C8orf74: variants seen among roughly 807,000 people sequenced by gnomAD.
C8orf74 encodes chromosome 8 open reading frame 74.
A neutral mutation model predicts 22.2 loss-of-function variants in C8orf74; 29 were observed. The ratio of observed to expected loss-of-function variants is 1.31; its 90% CI spans 0.97 to 1.78. The LOEUF (loss-of-function observed/expected upper bound fraction) is 1.78, where lower values mean the gene tolerates loss of function less well. C8orf74 is among the 40% of genes most tolerant of loss of function. C8orf74 has a pLI of 0.00. For missense variants in C8orf74, 515 were observed against 369.9 expected (o/e 1.39, Z -3.22); for synonymous variants, 255 against 163.1 (o/e 1.56, Z -4.30).
At chr8:10,689,413 C>G (rs1366081216) in intron 2 of C8orf74, 1 of 152,186 alleles carries the variant, frequency 6.6e-6, no homozygotes, top group Non-Finnish European at 1.5e-5. Context: ...CGCTCCATGC[C>G]TTTTGGTGAT....
chr8:10,687,720 T>A (rs1242650177), intron 2 of C8orf74, among the ~76,000 whole-genome samples: 2 of 152,218 alleles, frequency 1.3e-5, no homozygotes, highest in African/African-American at 2.4e-5. Flanking sequence ...TTTACTTTTC[T>A]GTGATTTTAT....
At chr8:10,688,976 G>C (rs1226047625) in intron 2 of C8orf74, 1 of 152,272 alleles carries the variant, frequency 6.6e-6, no homozygotes, top group African/African-American at 2.4e-5. Flanking sequence ...TGGACAGCAG[G>C]TCAGCCACAA....
chr8:10,698,396 G>A (rs1554470177), intron 3 of C8orf74, among the ~76,000 whole-genome samples: 2 of 152,046 alleles, frequency 1.3e-5, no homozygotes, highest in African/African-American at 2.4e-5. Flanking sequence ...ATCCAGAGCC[G>A]GCATGCCCCT....
chr8:10,696,056 C>T (rs1799490614), intron 2 of C8orf74, among the ~76,000 whole-genome samples: 1 of 152,138 alleles, frequency 6.6e-6, no homozygotes, highest in South Asian at 2.1e-4. Context: ...TCTTCTGCTG[C>T]CCTTGACTTG....
intron 1 of C8orf74, chr8:10,673,441 A>C (rs1192690195): frequency 1.3e-5 from 2 of 152,004 alleles, no homozygotes; most frequent in African/African-American, 4.8e-5. Flanking sequence ...ACCAAGCAAG[A>C]CTCATTCCTT....
intron 2 of C8orf74, among the ~76,000 whole-genome samples, chr8:10,685,808 G>A (rs1283576685): frequency 3.3e-5 from 5 of 152,318 alleles, no homozygotes; most frequent in East Asian, 3.9e-4. Context: ...AGTGGCTCAC[G>A]CCTGTAATCC....
At chr8:10,673,839 TC>T (rs1041588897) in intron 1 of C8orf74, 1 of 152,028 alleles carries the variant, frequency 6.6e-6, no homozygotes, top group African/African-American at 2.4e-5. Flanking sequence ...AGATGGCTTC[TC>T]AACTCCTCAA....
At chr8:10,677,418 C>A (rs955733703) in intron 2 of C8orf74, among the ~76,000 whole-genome samples, 1 of 152,170 alleles carries the variant, frequency 6.6e-6, no homozygotes, top group Non-Finnish European at 1.5e-5. Flanking sequence ...GAAATGCTAG[C>A]TAAATTTCTG....
intron 2 of C8orf74, among the ~76,000 whole-genome samples, chr8:10,681,537 G>C (rs995668065): frequency 1.3e-5 from 2 of 152,156 alleles, no homozygotes; most frequent in African/African-American, 2.4e-5. Flanking sequence ...CTGCACAGGA[G>C]GCAGGGAAGG....
chr8:10,690,048 C>T (rs1213470791), intron 2 of C8orf74, among the ~76,000 whole-genome samples: 13 of 152,188 alleles, frequency 8.5e-5, no homozygotes, highest in African/African-American at 3.1e-4. Flanking sequence ...TACTGCAAAA[C>T]GTTCTTTGGA....
chr8:10,690,954 A>G (rs1799368190), intron 2 of C8orf74: 1 of 456,196 alleles, frequency 2.2e-6, no homozygotes, highest in Non-Finnish European at 4.4e-6. Context: ...GTTATTGAAG[A>G]GCAACTTGCA....
In C8orf74 at chr8:10,697,714, C is replaced by T. The variant is rs138937646; in HGVS notation, c.357C>T (p.Ile119=). The change falls in exon 3 of 4, where the codon ATC becomes ATT. Residue 119 remains isoleucine (I), a synonymous_variant. Transcript: ENST00000304519. ...GTGACTACTTCCACCACACCTTCATCCGCCACTACAAACTCTACCAGTATG... is the reference window on the plus strand; with the variant it reads ...GTGACTACTTCCACCACACCTTCATTCGCCACTACAAACTCTACCAGTATG... ...ALCDYFHHTF[I]RHYKLYQYVL... The T allele has an allele frequency of 6.2e-7, 1 of 1,614,032 alleles. No individual in the cohort carries two copies. Among genetic ancestry groups the T allele is most frequent in the African/African-American group, 1.3e-5 (1 of 75,064 alleles).
Position 10,700,512 on chromosome 8 carries a change from A to T in C8orf74, c.*41A>T, listed in dbSNP as rs1297963351. On this transcript the variant is annotated 3_prime_UTR_variant, in exon 4 of 4. Coordinates refer to ENST00000304519, the MANE Select transcript of C8orf74 (RefSeq NM_001040032.2). ...ACACGAGACTGACTGGGGACCAGCC[A>T]CCCATAACCATGAGCCTTGCGGCAC... 2 of 1,330,822 alleles carry T rather than the reference A, an allele frequency of 1.5e-6. No homozygotes were observed. The highest frequency in any genetic ancestry group is 5.0e-5 in the East Asian group (2 of 39,746). The allele number at this position is 1,330,822 out of a possible 1,614,324, so 82.4% of individuals were successfully genotyped here.
At chr8:10,678,477 G>A (rs1799079241) in intron 2 of C8orf74, among the ~76,000 whole-genome samples, 2 of 152,104 alleles carry the variant, frequency 1.3e-5, no homozygotes, top group Non-Finnish European at 2.9e-5. Context: ...GCCCTAGCAA[G>A]GACGAGGCCC....
At chr8:10,685,328 G>C (rs184662889) in intron 2 of C8orf74, among the ~76,000 whole-genome samples, 11 of 152,314 alleles carry the variant, frequency 7.2e-5, no homozygotes, top group African/African-American at 2.6e-4. Context: ...GAGACTTGGG[G>C]AGGTGTTTGT....
chr8:10,696,441 C>CTTTTTTTTTTTTT (rs546082377), intron 2 of C8orf74, among the ~76,000 whole-genome samples: 12 of 102,438 alleles, frequency 1.2e-4, no homozygotes, highest in East Asian at 5.4e-4. Context: ...CTTTTCTTTT[C>CTTTTTTTTTTTTT]TTTTTTTTTT....
intron 2 of C8orf74, among the ~76,000 whole-genome samples, chr8:10,679,723 C>G (rs868587170): frequency 1.3e-5 from 2 of 152,246 alleles, no homozygotes; most frequent in Non-Finnish European, 2.9e-5. Flanking sequence ...TCTGCAGCTG[C>G]GTCCTCTCTG....
chr8:10,693,812 GATC>G (rs1411031136), intron 2 of C8orf74, among the ~76,000 whole-genome samples: 1 of 152,224 alleles, frequency 6.6e-6, no homozygotes, highest in African/African-American at 2.4e-5. Flanking sequence ...CTGCCACTCA[GATC>G]TGCTCCTTCT....
intron 1 of C8orf74, chr8:10,673,769 G>A (rs908128313): frequency 1.3e-5 from 2 of 153,504 alleles, no homozygotes; most frequent in African/African-American, 4.8e-5. Flanking sequence ...CACATACCTA[G>A]TTACTCTTCA....
Sources: allele counts gnomAD v4.1 joint callset (sites outside exome capture counted in the v4.1 genomes callset), GRCh38; gene constraint gnomAD v4.1.1; transcripts MANE v1.5; gene names NCBI Gene and HGNC (gene_info 2026-07-23, HGNC 2026-07-21).